The following MAGI2 variants were observed in gnomAD, a reference collection of about 807,000 sequenced individuals.
The protein encoded by MAGI2 is membrane associated guanylate kinase, WW and PDZ domain containing 2.
A neutral mutation model predicts 133.3 loss-of-function variants in MAGI2; 35 were observed. That is an observed-to-expected ratio of 0.26 (90% CI 0.20 to 0.35). The LOEUF is 0.35. Among genes scored for constraint, MAGI2 ranks in the 10% least tolerant of loss-of-function variants. The probability of loss-of-function intolerance (pLI) is 1.00; values close to 1 mark genes in which losing one functional copy is unlikely to be tolerated. For synonymous variants in MAGI2, 729 were observed against 710.6 expected (o/e 1.03, Z -0.41); for missense variants, 1,636 against 1,863.4 (o/e 0.88, Z 2.25).
At chr7:78,511,800 T>C (rs1250928966) in intron 4 of MAGI2, among the ~76,000 whole-genome samples, 1 of 151,262 alleles carries the variant, frequency 6.6e-6, no homozygotes, top group Non-Finnish European at 1.5e-5. Context: ...TTATAATTAA[T>C]ATATAAGATA....
chr7:79,122,038 T>C (rs754603084), intron 1 of MAGI2, among the ~76,000 whole-genome samples: 2 of 152,216 alleles, frequency 1.3e-5, no homozygotes, highest in Non-Finnish European at 2.9e-5. Flanking sequence ...CTGTATATAA[T>C]TGATTTCTGC....
At chr7:79,098,537 T>C (rs967178507) in intron 1 of MAGI2, among the ~76,000 whole-genome samples, 1 of 152,108 alleles carries the variant, frequency 6.6e-6, no homozygotes, top group Non-Finnish European at 1.5e-5. Context: ...GTGTGTGAGT[T>C]TGGATAACAT....
chr7:78,922,740 T>C (rs1445029499), intron 2 of MAGI2, among the ~76,000 whole-genome samples: 5 of 152,128 alleles, frequency 3.3e-5, no homozygotes, highest in African/African-American at 9.6e-5. Flanking sequence ...ATGGTATTTC[T>C]AGTTCTAGAT....
chr7:79,214,863 ATATT>A (rs1389658572), intron 1 of MAGI2, among the ~76,000 whole-genome samples: 4 of 144,814 alleles, frequency 2.8e-5, no homozygotes, highest in Non-Finnish European at 6.1e-5. Context: ...TTATAAATAT[ATATT>A]TATAAATTTC....
At chr7:79,393,117 T>C (rs1210355944) in intron 1 of MAGI2, among the ~76,000 whole-genome samples, 1 of 152,206 alleles carries the variant, frequency 6.6e-6, no homozygotes, top group Non-Finnish European at 1.5e-5. Context: ...TTGATCATAA[T>C]CTTTAAATTA....
intron 1 of MAGI2, among the ~76,000 whole-genome samples, chr7:79,178,285 C>G (rs1826293025): frequency 6.6e-6 from 1 of 151,810 alleles, no homozygotes; most frequent in African/African-American, 2.4e-5. Context: ...CAGATACGTT[C>G]TAGCACTGAT....
At chr7:78,376,168 T>C (rs1794432375) in intron 6 of MAGI2, among the ~76,000 whole-genome samples, 1 of 152,108 alleles carries the variant, frequency 6.6e-6, no homozygotes, top group Non-Finnish European at 1.5e-5. Flanking sequence ...AGGTTCCAGT[T>C]TGCTCCTTTT....
chr7:78,409,432 C>A (rs376598972), intron 6 of MAGI2, among the ~76,000 whole-genome samples: 2 of 152,072 alleles, frequency 1.3e-5, no homozygotes, highest in East Asian at 1.9e-4. Flanking sequence ...CCAACAGATT[C>A]CAAAGCCTGC....
intron 10 of MAGI2, among the ~76,000 whole-genome samples, chr7:78,249,106 G>A (rs184302366): frequency 6.6e-5 from 10 of 152,052 alleles, no homozygotes; most frequent in Non-Finnish European, 1.5e-4. Flanking sequence ...ACAGTTATAT[G>A]AAAAATTGCT....
intron 2 of MAGI2, among the ~76,000 whole-genome samples, chr7:78,796,283 A>C (rs760931612): frequency 4.6e-5 from 7 of 152,134 alleles, no homozygotes; most frequent in Non-Finnish European, 8.8e-5. Context: ...CAAACAACTC[A>C]GTAGTAAAAA....
chr7:78,019,599 G>GCGCCGCGTC lies in MAGI2; in HGVS notation c.4075_4083dup (p.Asp1359_Ala1361dup), dbSNP rs1264989174. ...CGGGGCGCCTCCTTCCCGCCCGCCC[G>GCGCCGCGTC]CGCCGCGTCCGCCGCGTCTGCCGCC... On this transcript the variant is annotated inframe_insertion, in exon 22 of 22. Transcript: ENST00000354212. 38 of 980,926 alleles carry GCGCCGCGTC rather than the reference G, an allele frequency of 3.9e-5. No homozygotes were observed. The Admixed American group carries it at 6.4e-4, about 16-fold the overall frequency. The allele number at this position is 980,926 out of a possible 1,614,324, so 60.8% of individuals were successfully genotyped here.
chr7:79,237,349 C>T (rs569793134), intron 1 of MAGI2, among the ~76,000 whole-genome samples: 13 of 152,170 alleles, frequency 8.5e-5, no homozygotes, highest in South Asian at 2.1e-4. Context: ...AAAAAATTAG[C>T]CGGCGTGGTG....
At chr7:78,946,105 C>T (rs1197426749) in intron 2 of MAGI2, among the ~76,000 whole-genome samples, 2 of 152,038 alleles carry the variant, frequency 1.3e-5, no homozygotes, top group Non-Finnish European at 2.9e-5. Flanking sequence ...AGGACCATTG[C>T]TGTAGAAATA....
chr7:79,341,400 T>TA (rs143117898), intron 1 of MAGI2, among the ~76,000 whole-genome samples: 274 of 150,730 alleles, frequency 1.8e-3, no homozygotes, highest in African/African-American at 6.1e-3. Flanking sequence ...TGTGTTTATT[T>TA]AAAAAAAAAA....
rs547163797 is a variant in MAGI2, at chr7:78,205,923, C to T, written c.2048-4730G>A. 3.3e-5 allele frequency among the ~76,000 whole-genome samples: 5 copies of T among 152,308 alleles called. No homozygotes were observed. The South Asian group carries it at 8.3e-4, about 25-fold the overall frequency. On this transcript the variant is annotated intron_variant, in intron 10 of 21. Coordinates refer to ENST00000354212, the MANE Select transcript of MAGI2 (RefSeq NM_012301.4). The stretch of plus-strand genomic sequence containing the variant: ...ACTGCCTTCTCATTGGGATCCTGGA[C>T]TGAGGGCACCTCATGTGATACAGGA...
chr7:78,128,641 T>G (rs1007370441), intron 18 of MAGI2, among the ~76,000 whole-genome samples: 2 of 152,130 alleles, frequency 1.3e-5, no homozygotes, highest in East Asian at 1.9e-4. Context: ...TAAAAATCAC[T>G]TGCCTGAACA....
At chr7:79,245,531 G>A (rs1832754712) in intron 1 of MAGI2, among the ~76,000 whole-genome samples, 1 of 152,194 alleles carries the variant, frequency 6.6e-6, no homozygotes, top group African/African-American at 2.4e-5. Context: ...TGTCCATGAG[G>A]GGAGACCCCT....
chr7:78,585,376 A>G (rs1417853713), intron 3 of MAGI2, among the ~76,000 whole-genome samples: 1 of 152,150 alleles, frequency 6.6e-6, no homozygotes, highest in Non-Finnish European at 1.5e-5. Context: ...TGACCATCAT[A>G]CTCAGGTATC....
intron 6 of MAGI2, among the ~76,000 whole-genome samples, chr7:78,414,277 A>G (rs908130099): frequency 1.3e-5 from 2 of 151,430 alleles, no homozygotes; most frequent in Non-Finnish European, 3.0e-5. Flanking sequence ...GGAAAAGAAT[A>G]AGGTATAATA....
Sources: allele counts gnomAD v4.1 joint callset (sites outside exome capture counted in the v4.1 genomes callset), GRCh38; gene constraint gnomAD v4.1.1; transcripts MANE v1.5; gene names NCBI Gene and HGNC (gene_info 2026-07-23, HGNC 2026-07-21).